MGLL: variants seen among roughly 807,000 people sequenced by gnomAD.
MGLL encodes the protein lysophospholipase homolog.
In MGLL, 7 loss-of-function variants were observed where a neutral mutation model predicts 29.1. The observed-to-expected ratio is 0.24, with a 90% confidence interval of 0.14 to 0.45. MGLL has a LOEUF of 0.45. MGLL is among the 20% of genes least tolerant of loss of function. MGLL has a pLI of 0.99. For synonymous variants in MGLL, 148 were observed against 168.3 expected (o/e 0.88, Z 0.93); for missense variants, 356 against 413.6 (o/e 0.86, Z 1.21).
chr3:127,747,597 G>A (rs1301198084), intron 3 of MGLL, among the ~76,000 whole-genome samples: 1 of 152,190 alleles, frequency 6.6e-6, no homozygotes, highest in Non-Finnish European at 1.5e-5. Flanking sequence ...TTCCCTCCAG[G>A]GCAGCTAAGA....
At chr3:127,791,139 C>T (rs1228083832) in intron 2 of MGLL, 1 of 152,242 alleles carries the variant, frequency 6.6e-6, no homozygotes, top group Non-Finnish European at 1.5e-5. Context: ...AATAAGTGCT[C>T]CCAGAAATAG....
At chr3:127,775,995 G>C (rs1294617490) in intron 3 of MGLL, among the ~76,000 whole-genome samples, 1 of 152,218 alleles carries the variant, frequency 6.6e-6, no homozygotes, top group African/African-American at 2.4e-5. Context: ...CAGGGACCAA[G>C]AGAACGCCAG....
intron 3 of MGLL, among the ~76,000 whole-genome samples, chr3:127,751,327 C>T (rs937901345): frequency 2.0e-5 from 3 of 151,758 alleles, no homozygotes; most frequent in South Asian, 2.1e-4. Flanking sequence ...GTGACTCACT[C>T]GGACCAACAC....
At chr3:127,730,865 T>C (rs1446976688) in intron 3 of MGLL, among the ~76,000 whole-genome samples, 1 of 152,114 alleles carries the variant, frequency 6.6e-6, no homozygotes, top group Non-Finnish European at 1.5e-5. Context: ...GATGTTTGTG[T>C]GGACTTGGGG....
intron 3 of MGLL, among the ~76,000 whole-genome samples, chr3:127,754,618 G>A (rs1298014116): frequency 6.6e-6 from 1 of 152,218 alleles, no homozygotes; most frequent in Non-Finnish European, 1.5e-5. Flanking sequence ...CTCTAGGTCT[G>A]TTCTCACCAC....
In MGLL at chr3:127,694,981, A is replaced by T; in HGVS notation, c.810T>A (p.Thr270=). The T allele has an allele frequency of 6.2e-7, 1 of 1,613,602 alleles. No individual in the cohort carries two copies. Among genetic ancestry groups the T allele is most frequent in the Non-Finnish European group, 8.5e-7 (1 of 1,179,904 alleles). The change falls in exon 7 of 8, where the codon ACT becomes ACA. Residue 270 remains threonine, a synonymous_variant. Transcript: ENST00000265052. ...LMELAKSQDK[T]LKIYEGAYHV... is the part of the protein sequence containing the mutation. ...GCAAGTGGCAGCCGCTCACCTTGAGAGTCTTGTCCTGGCTCTTGGCTAACT... is the reference window on the plus strand; with the variant it reads ...GCAAGTGGCAGCCGCTCACCTTGAGTGTCTTGTCCTGGCTCTTGGCTAACT...
chr3:127,710,154 G>C (rs555340485), intron 6 of MGLL, among the ~76,000 whole-genome samples: 26 of 152,202 alleles, frequency 1.7e-4, no homozygotes, highest in Non-Finnish European at 3.1e-4. Flanking sequence ...GCCTGTCTGG[G>C]AATGAAGCCA....
intron 3 of MGLL, among the ~76,000 whole-genome samples, chr3:127,779,101 C>T (rs1231591017): frequency 7.0e-6 from 1 of 142,124 alleles, no homozygotes; most frequent in Non-Finnish European, 1.6e-5. Flanking sequence ...TGCAGTGGCT[C>T]ACGCCTGTAA....
intron 3 of MGLL, among the ~76,000 whole-genome samples, chr3:127,723,973 G>T (rs940279024): frequency 1.3e-5 from 2 of 152,164 alleles, no homozygotes; most frequent in Non-Finnish European, 2.9e-5. Context: ...TAAGGAGAGG[G>T]GATTAGAACC....
At chr3:127,720,208 C>T (rs903808090) in intron 5 of MGLL, among the ~76,000 whole-genome samples, 6 of 152,236 alleles carry the variant, frequency 3.9e-5, no homozygotes, top group Non-Finnish European at 7.3e-5. Flanking sequence ...TATCTCACCT[C>T]TTTCTCCTTT....
intron 3 of MGLL, among the ~76,000 whole-genome samples, chr3:127,755,557 G>C (rs2076648547): frequency 6.6e-6 from 1 of 152,212 alleles, no homozygotes; most frequent in African/African-American, 2.4e-5. Flanking sequence ...ACCACATGCA[G>C]CGGCGAGACT....
chr3:127,750,555 G>C (rs1165957942), intron 3 of MGLL, among the ~76,000 whole-genome samples: 2 of 152,036 alleles, frequency 1.3e-5, no homozygotes, highest in Admixed American at 6.6e-5. Context: ...GGGCCCCTGG[G>C]ACTCACAGGG....
At chr3:127,794,406 CAAACTGTCTTCTATGATGTG>C (rs1397850630) in intron 2 of MGLL, among the ~76,000 whole-genome samples, 3 of 151,968 alleles carry the variant, frequency 2.0e-5, no homozygotes, top group Admixed American at 6.5e-5. Flanking sequence ...ATTATGATGC[CAAACTGTCTTCTATGATGTG>C]AAACTGTCTT....
At chr3:127,701,474 G>A (rs928983906) in intron 6 of MGLL, among the ~76,000 whole-genome samples, 2 of 152,154 alleles carry the variant, frequency 1.3e-5, no homozygotes, top group Non-Finnish European at 2.9e-5. Context: ...CAGACTCACA[G>A]ATCTGTACCT....
At chr3:127,805,271 G>T (rs1439457983) in intron 2 of MGLL, among the ~76,000 whole-genome samples, 1 of 152,210 alleles carries the variant, frequency 6.6e-6, no homozygotes, top group East Asian at 1.9e-4. Flanking sequence ...GGCGATAAAT[G>T]ATCAGGAATT....
At chr3:127,818,373 C>G (rs1288337134) in intron 2 of MGLL, among the ~76,000 whole-genome samples, 2 of 150,932 alleles carry the variant, frequency 1.3e-5, no homozygotes, top group African/African-American at 2.4e-5. Flanking sequence ...ATACCTATCT[C>G]TAATCTTTTT....
chr3:127,797,754 C>T (rs574390263), intron 2 of MGLL, among the ~76,000 whole-genome samples: 4 of 152,102 alleles, frequency 2.6e-5, no homozygotes, highest in East Asian at 3.9e-4. Flanking sequence ...ACTATAGGCG[C>T]GAGCCACCAC....
intron 2 of MGLL, among the ~76,000 whole-genome samples, chr3:127,796,314 C>G (rs578038215): frequency 6.6e-6 from 1 of 152,318 alleles, no homozygotes; most frequent in East Asian, 1.9e-4. Context: ...TGGGCCTCGG[C>G]TTTGAGAAGC....
intron 3 of MGLL, among the ~76,000 whole-genome samples, chr3:127,776,278 T>C (rs1314573706): frequency 1.3e-5 from 2 of 151,612 alleles, no homozygotes; most frequent in Admixed American, 1.3e-4. Context: ...GTGGTAGTTC[T>C]CAACCTGGGC....
Sources: gnomAD v4.1 joint callset for allele counts (sites outside exome capture counted in the v4.1 genomes callset) on GRCh38, gnomAD v4.1.1 for gene constraint, MANE v1.5 for transcripts, NCBI Gene and HGNC (gene_info 2026-07-23, HGNC 2026-07-21) for gene names.